Variants in ABHD2 observed in about 807,000 individuals in gnomAD.
ABHD2 encodes monoacylglycerol lipase ABHD2.
In ABHD2, 20 loss-of-function variants were observed where a neutral mutation model predicts 48.1. That is an observed-to-expected ratio of 0.42 (90% CI 0.29 to 0.60). The LOEUF is 0.60. Ranked by LOEUF, ABHD2 falls within the 20% of genes least tolerant of loss-of-function variation. The probability of loss-of-function intolerance (pLI) is 0.24; values close to 1 mark genes in which losing one functional copy is unlikely to be tolerated. For synonymous variants in ABHD2, 209 were observed against 214.2 expected (o/e 0.98, Z 0.21); for missense variants, 405 against 550.9 (o/e 0.74, Z 2.65).
the ABHD2 span, among the ~76,000 whole-genome samples, chr15:89,045,381 G>A: frequency 9.9e-5 from 15 of 151,652 alleles, no homozygotes; most frequent in Non-Finnish European, 1.8e-4. Context: ...TTGACTTGGC[G>A]ATGCAGGCTC....
At chr15:89,093,651 C>T (rs2049563609) in intron 1 of ABHD2, 1 of 152,356 alleles carries the variant, frequency 6.6e-6, no homozygotes, top group African/African-American at 2.4e-5. Context: ...GCTCTCACAC[C>T]TGCTCCTCTG....
chr15:89,152,131 G>A (rs541719724), intron 4 of ABHD2, among the ~76,000 whole-genome samples: 9 of 151,434 alleles, frequency 5.9e-5, no homozygotes, highest in African/African-American at 1.7e-4. Context: ...GCTGGAGTGC[G>A]GTGGCACGAT....
the ABHD2 span, among the ~76,000 whole-genome samples, chr15:89,069,125 T>TTC: frequency 6.9e-4 from 70 of 100,988 alleles, no homozygotes; most frequent in East Asian, 0.016. Flanking sequence ...TTCTTTTCTT[T>TTC]TTTTTTTTTT....
intron 3 of ABHD2, among the ~76,000 whole-genome samples, chr15:89,142,286 T>G (rs2150869335): frequency 6.6e-6 from 1 of 152,364 alleles, no homozygotes; most frequent in East Asian, 1.9e-4. Context: ...AAGTGCTGTA[T>G]AGATAAATAA....
intron 5 of ABHD2, among the ~76,000 whole-genome samples, chr15:89,162,847 G>A (rs1222626594): frequency 2.0e-5 from 3 of 152,210 alleles, no homozygotes; most frequent in African/African-American, 7.2e-5. Context: ...CATGAGAGCA[G>A]GCAGTTTTCG....
At chr15:89,067,145 C>T in the ABHD2 span, among the ~76,000 whole-genome samples, 39 of 151,382 alleles carry the variant, frequency 2.6e-4, 1 homozygote, top group Non-Finnish European at 5.9e-5. Context: ...GACAAGAGTG[C>T]ATAAAGTGGG....
the ABHD2 span, among the ~76,000 whole-genome samples, chr15:89,068,192 G>A: frequency 1.5e-3 from 80 of 54,888 alleles, no homozygotes; most frequent in South Asian, 5.1e-3. Flanking sequence ...ACACATGTGC[G>A]CGTGCACACA....
rs1311183150 is a variant in ABHD2, at chr15:89,186,972, T to C, written c.816-1221T>C. The stretch of plus-strand genomic sequence containing the variant: ...AGCAGAGGGAGACTTATGTCCCCTG[T>C]GCTGGCTGGAAAATCAGCTGTTCCC... On this transcript the variant is annotated intron_variant, in intron 7 of 10. Transcript: ENST00000352732. The surrounding 1 kb of genome is among the most constrained non-coding windows in gnomAD (Gnocchi z 4.3). Among the ~76,000 whole-genome samples the C allele has an allele frequency of 6.6e-6, 1 of 152,240 alleles. No homozygotes were observed. The highest frequency in any genetic ancestry group is 2.4e-5 in the African/African-American group (1 of 41,468).
At chr15:89,108,160 G>T (rs2049817006) in intron 1 of ABHD2, among the ~76,000 whole-genome samples, 2 of 152,180 alleles carry the variant, frequency 1.3e-5, no homozygotes, top group Admixed American at 1.3e-4. Flanking sequence ...GAACTCCTGA[G>T]TCATGAGAGG....
intron 1 of ABHD2, among the ~76,000 whole-genome samples, chr15:89,095,740 T>G (rs1450054246): frequency 4.6e-5 from 7 of 152,234 alleles, no homozygotes; most frequent in Non-Finnish European, 2.9e-5. Flanking sequence ...TTTTGTGCTA[T>G]GGATTTCCCA....
In ABHD2 at chr15:89,146,358, G is replaced by A. The variant is rs2050491162; in HGVS notation, c.195-5319G>A. ...GCTTCATCTGCTCAAAGACGTACGT[G>A]TGTGTGTGTGTGTGTGTGTGTGTGT... On this transcript the variant is annotated intron_variant, in intron 3 of 10. Coordinates refer to ENST00000352732, the MANE Select transcript of ABHD2 (RefSeq NM_152924.5). This position sits in a 1 kb window ranked among gnomAD's most constrained non-coding sequence, Gnocchi z 4.2. Among the ~76,000 whole-genome samples the A allele has an allele frequency of 3.4e-5, 1 of 28,996 alleles. No individual in the cohort carries two copies. The highest frequency in any genetic ancestry group is 4.5e-4 in the Admixed American group (1 of 2,234). 19.0% of individuals were successfully genotyped at this position (28,996 alleles called of 152,430 possible). A position where few individuals can be genotyped will look rare whatever the true frequency, so the allele number is the denominator to read the frequency against.
chr15:89,127,960 A>G (rs1567080303), intron 3 of ABHD2, among the ~76,000 whole-genome samples: 2 of 151,960 alleles, frequency 1.3e-5, no homozygotes, highest in Non-Finnish European at 2.9e-5. Context: ...CTCTTACCTA[A>G]GGACAGGGAT....
At chr15:89,069,393 A>G in the ABHD2 span, among the ~76,000 whole-genome samples, 1 of 151,980 alleles carries the variant, frequency 6.6e-6, no homozygotes, top group South Asian at 2.1e-4. Context: ...CTTCCAAGTA[A>G]CTGGGATTAC....
chr15:89,090,624 C>T (rs1248999644), intron 1 of ABHD2, among the ~76,000 whole-genome samples: 2 of 152,218 alleles, frequency 1.3e-5, no homozygotes, highest in East Asian at 1.9e-4. Context: ...TTAGTTCCCC[C>T]TTGCAGTTAC....
intron 3 of ABHD2, among the ~76,000 whole-genome samples, chr15:89,136,806 C>T (rs1030407111): frequency 6.6e-6 from 1 of 152,232 alleles, no homozygotes; most frequent in Non-Finnish European, 1.5e-5. Flanking sequence ...TCTTCCCTCC[C>T]CATAACGCTG....
rs1210705638 is a variant in ABHD2, at chr15:89,164,194, G to T, written c.538+8660G>T. On this transcript the variant is annotated intron_variant, in intron 5 of 10. Coordinates refer to ENST00000352732, the MANE Select transcript of ABHD2 (RefSeq NM_152924.5). The surrounding 1 kb of genome is among the most constrained non-coding windows in gnomAD (Gnocchi z 5.0). ...AGTCCCTGCCTTCAGGAAGATCCCA[G>T]TCTATGAGGAACTCTCACCATCTAG... 2.0e-5 allele frequency among the ~76,000 whole-genome samples: 3 copies of T among 152,300 alleles called. No individual in the cohort carries two copies. In the South Asian group the frequency reaches 6.2e-4, roughly 32 times the overall value.
At chr15:89,064,450 G>A in the ABHD2 span, among the ~76,000 whole-genome samples, 8 of 151,810 alleles carry the variant, frequency 5.3e-5, no homozygotes, top group Non-Finnish European at 1.0e-4. Flanking sequence ...GGATGGTCTC[G>A]ATCTCCTGAC....
chr15:89,135,666 C>G (rs776547213), intron 3 of ABHD2: 22 of 1,551,226 alleles, frequency 1.4e-5, no homozygotes, highest in Non-Finnish European at 1.8e-5. Context: ...TTTGCTGCAG[C>G]AGGCTTTCCT....
At chr15:89,044,881 T>C in the ABHD2 span, among the ~76,000 whole-genome samples, 1 of 151,734 alleles carries the variant, frequency 6.6e-6, no homozygotes, top group African/African-American at 2.4e-5. Flanking sequence ...GGTAGTTTCT[T>C]TTGCTGTTCA....
Sources: gnomAD v4.1 joint callset for allele counts (sites outside exome capture counted in the v4.1 genomes callset) on GRCh38, gnomAD v4.1.1 for gene constraint, Gnocchi (gnomAD v3.1) non-coding constraint, MANE v1.5 for transcripts, NCBI Gene and HGNC (gene_info 2026-07-23, HGNC 2026-07-21) for gene names.